RORA: variants seen among roughly 807,000 people sequenced by gnomAD.
The protein encoded by RORA is nuclear receptor ROR-alpha.
A neutral mutation model predicts 69.5 loss-of-function variants in RORA; 7 were observed. The observed-to-expected ratio is 0.10, with a 90% CI of 0.06 to 0.19. The LOEUF (loss-of-function observed/expected upper bound fraction) is 0.19, where lower values mean the gene tolerates loss of function less well. Among genes scored for constraint, RORA ranks in the 10% least tolerant of loss-of-function variants. The probability of loss-of-function intolerance (pLI) is 1.00; values close to 1 mark genes in which losing one functional copy is unlikely to be tolerated. For synonymous variants in RORA, 261 were observed against 240.8 expected (o/e 1.08, Z -0.78); for missense variants, 457 against 663.0 (o/e 0.69, Z 3.41).
rs570765837 is a variant in RORA, at chr15:60,547,129, T to C, written c.197-15278A>G. Among the ~76,000 whole-genome samples the C allele has an allele frequency of 2.3e-4, 35 of 152,306 alleles. No homozygotes were observed. The South Asian group carries it at 5.0e-3, about 22-fold the overall frequency. ...TTCATTGTCATCCACTCTATTAATGTTCTAGAAGAAAGCTAGTGGCCAATA... is the reference window on the plus strand; with the variant it reads ...TTCATTGTCATCCACTCTATTAATGCTCTAGAAGAAAGCTAGTGGCCAATA... On this transcript the variant is annotated intron_variant, in intron 2 of 10. Transcript: ENST00000335670.
intron 2 of RORA, among the ~76,000 whole-genome samples, chr15:60,567,283 G>A (rs1004491931): frequency 1.3e-5 from 2 of 151,612 alleles, no homozygotes; most frequent in Middle Eastern, 3.4e-3. Context: ...CATATGTGCC[G>A]TCCAGCGGTC....
chr15:60,767,706 A>G (rs1479075190), intron 1 of RORA, among the ~76,000 whole-genome samples: 2 of 152,166 alleles, frequency 1.3e-5, no homozygotes, highest in Non-Finnish European at 2.9e-5. Flanking sequence ...GTGTTTGTGT[A>G]TTCTATTCCC....
rs900895427 is a variant in RORA, at chr15:60,678,684, T to C, written c.169A>G (p.Ile57Val). Residue 57 changes from isoleucine (I) to valine (V), a missense_variant and splice_region_variant, in exon 2 of 11, where the codon ATC becomes GTC. Ile to Val is a conservative substitution (Grantham distance 29). Transcript: ENST00000335670. ...RQSYSSTSRG[I>V]SVTKKTHTSQ... The stretch of plus-strand genomic sequence containing the variant: ...GTATGTGTCTTCTTCGTTACTGAGA[T>C]ACCTGGAAGAGAAGAAACAATAACA... 2 of 1,611,898 alleles carry C rather than the reference T, an allele frequency of 1.2e-6. No individual in the cohort carries two copies. Among genetic ancestry groups the C allele is most frequent in the East Asian group, 2.2e-5 (1 of 44,888 alleles).
intron 2 of RORA, among the ~76,000 whole-genome samples, chr15:60,616,088 T>C (rs2069233894): frequency 6.6e-6 from 1 of 152,320 alleles, no homozygotes; most frequent in East Asian, 1.9e-4. Flanking sequence ...TCAAATTTTG[T>C]CCACATATAT....
chr15:60,918,427 G>A (rs1305702683), intron 1 of RORA, among the ~76,000 whole-genome samples: 1 of 152,176 alleles, frequency 6.6e-6, no homozygotes, highest in Non-Finnish European at 1.5e-5. Context: ...TCACAGAGCA[G>A]GTACGTATTT....
intron 2 of RORA, chr15:60,614,974 A>G (rs1198900096): frequency 6.2e-7 from 1 of 1,613,978 alleles, no homozygotes; most frequent in Non-Finnish European, 8.5e-7. Context: ...ATCCCAGTTT[A>G]TGTGCTCAAG....
At chr15:60,837,964 G>A (rs1022284352) in intron 1 of RORA, among the ~76,000 whole-genome samples, 4 of 152,102 alleles carry the variant, frequency 2.6e-5, no homozygotes, top group South Asian at 2.1e-4. Flanking sequence ...CAGAGAAAAC[G>A]TCTGAAAATA....
At chr15:60,661,105 A>T (rs2070297580) in intron 2 of RORA, among the ~76,000 whole-genome samples, 2 of 149,068 alleles carry the variant, frequency 1.3e-5, no homozygotes. Flanking sequence ...TCAGGAAAAA[A>T]TTAAAGAGCA....
intron 1 of RORA, among the ~76,000 whole-genome samples, chr15:61,116,519 G>A (rs1185248517): frequency 2.0e-5 from 3 of 152,124 alleles, no homozygotes; most frequent in Admixed American, 2.0e-4. Flanking sequence ...TTCCTTTGAG[G>A]TGACTGATTC....
intron 1 of RORA, among the ~76,000 whole-genome samples, chr15:61,000,484 C>G (rs1894711078): frequency 6.6e-6 from 1 of 152,110 alleles, no homozygotes; most frequent in South Asian, 2.1e-4. Flanking sequence ...ATCACAGGTT[C>G]AAAGGCAAGG....
chr15:60,724,748 T>C (rs180724566), intron 1 of RORA, among the ~76,000 whole-genome samples: 3 of 152,310 alleles, frequency 2.0e-5, no homozygotes, highest in Admixed American at 2.0e-4. Flanking sequence ...TTTGAGTACC[T>C]GGAGGCATAC....
chr15:61,062,871 G>A (rs1220172967), intron 1 of RORA, among the ~76,000 whole-genome samples: 2 of 152,170 alleles, frequency 1.3e-5, no homozygotes, highest in African/African-American at 2.4e-5. Context: ...GATGAAGCAC[G>A]TGGTAGAATA....
At chr15:61,009,352 G>A (rs377744876) in intron 1 of RORA, among the ~76,000 whole-genome samples, 1 of 152,132 alleles carries the variant, frequency 6.6e-6, no homozygotes, top group East Asian at 1.9e-4. Flanking sequence ...TGCAGCCCTC[G>A]TTTCACTCTA....
At chr15:60,715,534 C>G (rs750505766) in intron 1 of RORA, among the ~76,000 whole-genome samples, 1 of 152,158 alleles carries the variant, frequency 6.6e-6, no homozygotes, top group Non-Finnish European at 1.5e-5. Context: ...GCTATGAAAA[C>G]CACAACTTCA....
chr15:61,180,143 CAAAAAAAAA>C (rs71456351), intron 1 of RORA, among the ~76,000 whole-genome samples: 4 of 36,690 alleles, frequency 1.1e-4, no homozygotes, highest in Non-Finnish European at 2.1e-4. Context: ...GACTCCATCT[CAAAAAAAAA>C]AAAAAAAAAA....
chr15:60,490,819 T>G lies in RORA; in HGVS notation c.*6636A>C, dbSNP rs1218409163. On this transcript the variant is annotated 3_prime_UTR_variant, in exon 11 of 11. Coordinates refer to ENST00000335670, the MANE Select transcript of RORA (RefSeq NM_134261.3). This position sits in a 1 kb window ranked among gnomAD's most constrained non-coding sequence, Gnocchi z 4.1. ...AAAATGGACAACACTGAAAACAGTT[T>G]GCAAATAAACCACCTAACACTGCAG... is the stretch of plus-strand genomic sequence containing the variant. 2 of 152,168 alleles carry G rather than the reference T, an allele frequency of 1.3e-5. No individual in the cohort carries two copies. Among genetic ancestry groups the G allele is most frequent in the Admixed American group, 6.5e-5 (1 of 15,274 alleles). 9.4% of individuals were successfully genotyped at this position (152,168 alleles called of 1,614,324 possible).
chr15:60,740,912 G>T (rs2071567450), intron 1 of RORA, among the ~76,000 whole-genome samples: 2 of 152,186 alleles, frequency 1.3e-5, no homozygotes, highest in South Asian at 4.1e-4. Flanking sequence ...AAAAGGTTGG[G>T]CAAACCCCAG....
chr15:60,902,901 T>A (rs1891431635), intron 1 of RORA, among the ~76,000 whole-genome samples: 1 of 152,206 alleles, frequency 6.6e-6, no homozygotes, highest in East Asian at 1.9e-4. Context: ...CGTACTCCGC[T>A]GAAAGGAAGA....
rs372783601 is a variant in RORA at position 60,718,413 on chromosome 15, C to T, written c.167-39727G>A. Among the ~76,000 whole-genome samples the T allele has an allele frequency of 6.6e-5, 10 of 152,232 alleles. No individual in the cohort carries two copies. The East Asian group carries it at 1.5e-3, about 23-fold the overall frequency. On this transcript the variant is annotated intron_variant, in intron 1 of 10. Transcript: ENST00000335670. ...TAAAGACATTCACTTAGAAAATGGT[C>T]ACTCCTCACTTTTAAAAATGAGTCC...
Sources: gnomAD v4.1 joint callset for allele counts (sites outside exome capture counted in the v4.1 genomes callset) on GRCh38, gnomAD v4.1.1 for gene constraint, Gnocchi (gnomAD v3.1) non-coding constraint, MANE v1.5 for transcripts, NCBI Gene and HGNC (gene_info 2026-07-23, HGNC 2026-07-21) for gene names.